The following RYR1 variants were observed in gnomAD, a reference collection of about 807,000 sequenced individuals.
The protein encoded by RYR1 is central core disease of muscle.
A neutral mutation model predicts 583.5 loss-of-function variants in RYR1; 342 were observed. The observed-to-expected ratio is 0.59, with a 90% CI of 0.54 to 0.64. The LOEUF (loss-of-function observed/expected upper bound fraction) is 0.64, where lower values mean the gene tolerates loss of function less well. Among genes scored for constraint, RYR1 ranks in the 30% least tolerant of loss-of-function variants. The probability of loss-of-function intolerance (pLI) is 0.00; values close to 1 mark genes in which losing one functional copy is unlikely to be tolerated. For synonymous variants in RYR1, 2,791 were observed against 2,822.5 expected (o/e 0.99, Z 0.35); for missense variants, 6,032 against 6,917.2 (o/e 0.87, Z 4.54).
chr19:38,583,070 G>T (rs1179771403), intron 101 of RYR1, among the ~76,000 whole-genome samples: 1 of 152,126 alleles, frequency 6.6e-6, no homozygotes, highest in African/African-American at 2.4e-5. Flanking sequence ...GCCAAGGCAG[G>T]TGGATCATCT....
intron 105 of RYR1, among the ~76,000 whole-genome samples, chr19:38,586,909 T>TG (rs1268261117): frequency 1.3e-5 from 2 of 151,780 alleles, no homozygotes; most frequent in African/African-American, 4.8e-5. Context: ...AGGCAGAAGT[T>TG]GCAGTGAGCC....
intron 20 of RYR1, among the ~76,000 whole-genome samples, chr19:38,463,155 C>CCCCCA (rs71165551): frequency 1.2e-5 from 1 of 82,548 alleles, no homozygotes; most frequent in African/African-American, 4.9e-5. Context: ...CCCCCCCCCC[C>CCCCCA]ACTTAGCCTC....
intron 101 of RYR1, among the ~76,000 whole-genome samples, chr19:38,584,361 C>T (rs1362638904): frequency 3.0e-5 from 4 of 134,458 alleles, no homozygotes; most frequent in African/African-American, 5.6e-5. Context: ...GGCCCTGACC[C>T]CTCTGCCTGT....
Position 38,528,714 on chromosome 19 carries a change from G to T in RYR1, c.11034+19G>T. 1 of 1,612,234 alleles carries T rather than the reference G, an allele frequency of 6.2e-7. No homozygotes were observed. Among genetic ancestry groups the T allele is most frequent in the Non-Finnish European group, 8.5e-7 (1 of 1,178,338 alleles). On this transcript the variant is annotated intron_variant, in intron 75 of 105. Coordinates refer to ENST00000359596, the MANE Select transcript of RYR1 (RefSeq NM_000540.3). ...CCTTTCAGTGAGCTGGGACCCGCCT[G>T]GGGGAGTGGGGGGCGAGCTGGATAG... is the stretch of plus-strand genomic sequence containing the variant.
chr19:38,469,265 C>A, intron 26 of RYR1, 40 bp from the exon 27 acceptor site: 1 of 1,610,870 alleles, frequency 6.2e-7, no homozygotes, highest in Non-Finnish European at 8.5e-7. Context: ...CTGCCCTGCC[C>A]ACCTGCCCTC....
intron 31 of RYR1, among the ~76,000 whole-genome samples, chr19:38,479,951 C>A (rs1166384489): frequency 6.6e-6 from 1 of 152,034 alleles, no homozygotes; most frequent in Non-Finnish European, 1.5e-5. Context: ...AACTCCTGGT[C>A]TCAAGCAATC....
At chr19:38,574,315 G>T (rs1366713697) in intron 96 of RYR1, among the ~76,000 whole-genome samples, 1 of 141,024 alleles carries the variant, frequency 7.1e-6, no homozygotes, top group Non-Finnish European at 1.6e-5. Flanking sequence ...AGAAAGAAAA[G>T]AAATCATTAG....
chr19:38,485,996 T>C lies in RYR1; in HGVS notation c.5341T>C (p.Cys1781Arg), dbSNP rs372958050. 20 of 1,613,362 alleles carry C rather than the reference T, an allele frequency of 1.2e-5. No homozygotes were observed. The highest frequency in any genetic ancestry group is 1.6e-5 in the Non-Finnish European group (19 of 1,179,892). Residue 1781 changes from cysteine to arginine, a missense_variant, in exon 34 of 106, where the codon TGT (cysteine) becomes CGT (arginine). Cys to Arg is a radical substitution (Grantham distance 180). Coordinates refer to ENST00000359596, the MANE Select transcript of RYR1 (RefSeq NM_000540.3). The stretch of plus-strand genomic sequence containing the variant: ...GCCCCCGCATCATTTCTCGCCCCCC[T>C]GTTTCGTGGCCGCTCTGCCAGCTGC... Reference protein sequence around the residue: ...LRPPHHFSPPCFVAALPAAGA... With the variant: ...LRPPHHFSPPRFVAALPAAGA...
At chr19:38,564,353 G>A (rs1171208567) in intron 90 of RYR1, among the ~76,000 whole-genome samples, 1 of 152,086 alleles carries the variant, frequency 6.6e-6, no homozygotes, top group African/African-American at 2.4e-5. Context: ...GCAAAACCCT[G>A]TCTCTACTGA....
chr19:38,467,154 A>T (rs770617038), intron 24 of RYR1, among the ~76,000 whole-genome samples: 1 of 152,052 alleles, frequency 6.6e-6, no homozygotes, highest in African/African-American at 2.4e-5. Flanking sequence ...TTCCAATCCC[A>T]GCCTTGACCC....
At chr19:38,553,577 C>A (rs910535003) in intron 89 of RYR1, among the ~76,000 whole-genome samples, 2 of 151,808 alleles carry the variant, frequency 1.3e-5, no homozygotes, top group Non-Finnish European at 2.9e-5. Flanking sequence ...TCCTTTGAGC[C>A]CAGAAGGTCA....
intron 53 of RYR1, 25 bp downstream of exon 53, chr19:38,505,423 T>C: frequency 5.9e-6 from 9 of 1,538,218 alleles, no homozygotes; most frequent in Non-Finnish European, 7.1e-6. Context: ...GGGCCCAGCA[T>C]TGAGGGTCAA....
At chr19:38,487,083 A>G (rs1263049313) in intron 34 of RYR1, among the ~76,000 whole-genome samples, 1 of 152,038 alleles carries the variant, frequency 6.6e-6, no homozygotes, top group African/African-American at 2.4e-5. Flanking sequence ...CCGTAGGTCC[A>G]ATAATCATCT....
chr19:38,485,746 G>T lies in RYR1; in HGVS notation c.5091G>T (p.Leu1697=). The change falls in exon 34 of 106, where the codon CTG becomes CTT. Residue 1697 remains leucine (L), a synonymous_variant. Transcript: ENST00000359596. ...HVDQAQLLHA[L]EDAHLPGPLR... ...ACCAAGCTCAGCTGCTGCACGCCCT[G>T]GAGGACGCGCACCTGCCAGGCCCAC... is the stretch of plus-strand genomic sequence containing the variant. The T allele has an allele frequency of 6.2e-7, 1 of 1,612,920 alleles. No individual in the cohort carries two copies. Among genetic ancestry groups the T allele is most frequent in the South Asian group, 1.1e-5 (1 of 91,078 alleles).
At position 38,524,622 on chromosome 19, in the gene RYR1, A is replaced by T. The variant is rs535647794; in HGVS notation, c.10455+693A>T. Among the ~76,000 whole-genome samples, 60 of 152,348 alleles carry T rather than the reference A, an allele frequency of 3.9e-4. 1 individual carries two copies. The South Asian group carries it at 0.012, about 29-fold the overall frequency. On this transcript the variant is annotated intron_variant, in intron 70 of 105. Coordinates refer to ENST00000359596, the MANE Select transcript of RYR1 (RefSeq NM_000540.3). ...GGCCCTGGCCCCGGGTCTGCACCCA[A>T]GGCTCCAGAACACGGCTGTGGGACT...
chr19:38,569,829 A>G (rs1730743405), intron 93 of RYR1, among the ~76,000 whole-genome samples: 1 of 152,180 alleles, frequency 6.6e-6, no homozygotes, highest in Non-Finnish European at 1.5e-5. Flanking sequence ...ATGCAAATAA[A>G]GTTCTTAGCC....
chr19:38,448,704 T>C lies in RYR1; in HGVS notation c.1013T>C (p.Ile338Thr), dbSNP rs1466246717. ...RDVEGMGPPE[I>T]KYGESLCFVQ... is the part of the protein sequence containing the mutation. ...GTGGAGGGCATGGGCCCCCCTGAGA[T>C]CAAGTACGGGGAGTCACTGTGCTTC... The change falls in exon 11 of 106, where the codon ATC (isoleucine) becomes ACC (threonine). Residue 338 changes from isoleucine to threonine, a missense_variant. Around this residue, in one of 11 missense-constraint regions of RYR1, gnomAD observed 338 missense variants for 441.6 expected, o/e 0.77. Transcript: ENST00000359596. 9.9e-6 allele frequency: 16 copies of C among 1,614,172 alleles called. No individual in the cohort carries two copies. The highest frequency in any genetic ancestry group is 1.4e-5 in the Non-Finnish European group (16 of 1,180,012).
chr19:38,485,457 G>T, intron 33 of RYR1, 133 bp from the exon 34 acceptor site: 1 of 1,229,456 alleles, frequency 8.1e-7, no homozygotes, highest in Non-Finnish European at 1.2e-6. Context: ...TAGATGGAAT[G>T]GTAGGGGTTT....
intron 89 of RYR1, among the ~76,000 whole-genome samples, chr19:38,550,589 C>T (rs908561403): frequency 6.6e-6 from 1 of 152,088 alleles, no homozygotes; most frequent in Non-Finnish European, 1.5e-5. Flanking sequence ...TAGCTCACTG[C>T]ATCCTTGACC....
Sources: gnomAD v4.1 joint callset for allele counts (sites outside exome capture counted in the v4.1 genomes callset) on GRCh38, gnomAD v4.1.1 for gene constraint, gnomAD v4.1.1 regional missense constraint, MANE v1.5 for transcripts, NCBI Gene and HGNC (gene_info 2026-07-23, HGNC 2026-07-21) for gene names.